Variants in REV1 observed in about 807,000 individuals in gnomAD.
The protein encoded by REV1 is REV1 DNA directed polymerase, also known as translesion synthesis protein REV1.
REV1 carries 42 observed loss-of-function variants against 137.4 expected under a neutral mutation model. That is an observed-to-expected ratio of 0.31 (90% confidence interval 0.24 to 0.40). The LOEUF (loss-of-function observed/expected upper bound fraction) is 0.40. REV1 is among the 10% of genes least tolerant of loss of function. REV1 has a pLI of 1.00. For synonymous variants in REV1, 524 were observed against 519.2 expected (o/e 1.01, Z -0.12); for missense variants, 1,282 against 1,490.1 (o/e 0.86, Z 2.30).
At chr2:99,466,070 TA>T (rs1684767138) in intron 1 of REV1, among the ~76,000 whole-genome samples, 1 of 151,392 alleles carries the variant, frequency 6.6e-6, no homozygotes, top group African/African-American at 2.4e-5. Flanking sequence ...GACTCCCGAG[TA>T]GCTGGGACTA....
At chr2:99,489,354 G>A (rs1687436700) in intron 1 of REV1, among the ~76,000 whole-genome samples, 1 of 152,142 alleles carries the variant, frequency 6.6e-6, no homozygotes, top group Admixed American at 6.5e-5. Context: ...TTCTACAAAC[G>A]CTTGTGGAAC....
intron 1 of REV1, among the ~76,000 whole-genome samples, chr2:99,482,149 T>G (rs142027235): frequency 1.4e-4 from 22 of 152,278 alleles, no homozygotes; most frequent in African/African-American, 5.3e-4. Context: ...GGGGACTGAG[T>G]TCAATCATAC....
intron 12 of REV1, among the ~76,000 whole-genome samples, chr2:99,416,261 C>A (rs756885121): frequency 3.3e-5 from 5 of 152,330 alleles, no homozygotes; most frequent in Middle Eastern, 3.4e-3. Context: ...TAGTCTTTAA[C>A]AAAGATAAAT....
intron 3 of REV1, among the ~76,000 whole-genome samples, chr2:99,450,443 T>C (rs1354216244): frequency 2.0e-5 from 3 of 152,192 alleles, no homozygotes; most frequent in African/African-American, 7.2e-5. Context: ...TTTCCACATG[T>C]GGCTTATCGC....
At chr2:99,437,657 A>G (rs1245523985) in intron 6 of REV1, among the ~76,000 whole-genome samples, 1 of 152,196 alleles carries the variant, frequency 6.6e-6, no homozygotes, top group Non-Finnish European at 1.5e-5. Flanking sequence ...TACAATAACA[A>G]AATTTCTCAT....
At chr2:99,454,245 CAAAA>C (rs1683262404) in intron 3 of REV1, among the ~76,000 whole-genome samples, 1 of 151,386 alleles carries the variant, frequency 6.6e-6, no homozygotes, top group Non-Finnish European at 1.5e-5. Context: ...CACAAAAAAA[CAAAA>C]ACAAAAACAA....
At chr2:99,454,550 C>CAAAAAAAAAAAAAAAAAAAAAAA (rs373850478) in intron 3 of REV1, among the ~76,000 whole-genome samples, 6 of 82,368 alleles carry the variant, frequency 7.3e-5, no homozygotes, top group Admixed American at 1.4e-4. Flanking sequence ...AACTCCAGCT[C>CAAAAAAAAAAAAAAAAAAAAAAA]AAAAAAAAAA....
At chr2:99,458,686 G>A (rs1309340880) in intron 3 of REV1, among the ~76,000 whole-genome samples, 1 of 152,182 alleles carries the variant, frequency 6.6e-6, no homozygotes, top group Non-Finnish European at 1.5e-5. Context: ...TCCACACTAT[G>A]AAATATAACT....
At chr2:99,411,002 C>A in intron 13 of REV1, 135 bp from the exon 14 acceptor site, 2 of 760,730 alleles carry the variant, frequency 2.6e-6, no homozygotes, top group Admixed American at 3.5e-5. Flanking sequence ...TAAAAAGAAA[C>A]GTGGCCAGGC....
chr2:99,401,406 CTAAT>C, intron 22 of REV1, 54 bp from the exon 23 acceptor site: 1 of 1,072,882 alleles, frequency 9.3e-7, no homozygotes, highest in Admixed American at 2.2e-5. Context: ...GTCCTTAAGA[CTAAT>C]TATTCCTTTT....
intron 1 of REV1, among the ~76,000 whole-genome samples, chr2:99,481,760 T>C (rs1575255860): frequency 6.6e-6 from 1 of 151,974 alleles, no homozygotes. Context: ...TCCTAGCTAC[T>C]GGGGAGGCTG....
intron 10 of REV1, among the ~76,000 whole-genome samples, chr2:99,423,408 A>G (rs985598301): frequency 1.3e-5 from 2 of 152,128 alleles, no homozygotes; most frequent in African/African-American, 4.8e-5. Flanking sequence ...ATTCATATAC[A>G]TTCCCCGTGG....
intron 1 of REV1, among the ~76,000 whole-genome samples, chr2:99,482,431 A>G (rs935421601): frequency 2.6e-5 from 4 of 152,146 alleles, no homozygotes; most frequent in Non-Finnish European, 5.9e-5. Flanking sequence ...GGAACTCCGA[A>G]AGTTGTAGCC....
At position 99,415,350 on chromosome 2, in the gene REV1, G is replaced by A. The variant is rs182317664; in HGVS notation, c.1952-2399C>T. Among the ~76,000 whole-genome samples the A allele has an allele frequency of 2.3e-3, 349 of 152,304 alleles. 4 individuals carry two copies. The highest frequency in any genetic ancestry group is 8.2e-3 in the African/African-American group (340 of 41,564). Reference sequence around the variant, plus strand: ...GAAGAGAGAGTCAAGGAGGCTCCTGGTCAAGCAACTGGGACAAAGACTTGG... The same window carrying A: ...GAAGAGAGAGTCAAGGAGGCTCCTGATCAAGCAACTGGGACAAAGACTTGG... On this transcript the variant is annotated intron_variant, in intron 12 of 22. Coordinates refer to ENST00000258428, the MANE Select transcript of REV1 (RefSeq NM_016316.4).
At chr2:99,432,130 G>A (rs1174821696) in intron 8 of REV1, among the ~76,000 whole-genome samples, 2 of 152,176 alleles carry the variant, frequency 1.3e-5, no homozygotes, top group East Asian at 3.8e-4. Context: ...GATCATCAAT[G>A]AGAAGTGTGA....
At chr2:99,468,951 A>G (rs1685109339) in intron 1 of REV1, among the ~76,000 whole-genome samples, 1 of 152,218 alleles carries the variant, frequency 6.6e-6, no homozygotes. Context: ...CATGGTCTAC[A>G]ACATAATGAT....
chr2:99,462,860 G>A (rs965710775), intron 2 of REV1: 2 of 347,828 alleles, frequency 5.7e-6, no homozygotes, highest in African/African-American at 4.3e-5. Flanking sequence ...AGCTGAGGCA[G>A]GCGGATCACC....
chr2:99,442,262 A>AAAAC, intron 5 of REV1, 55 bp downstream of exon 5: 1 of 1,332,268 alleles, frequency 7.5e-7, no homozygotes. Flanking sequence ...CAAAAAAAAA[A>AAAAC]AAAAAAAAAA....
At chr2:99,412,674 G>A (rs1677342811) in intron 13 of REV1, 57 bp downstream of exon 13, 2 of 1,235,438 alleles carry the variant, frequency 1.6e-6, no homozygotes, top group Admixed American at 3.4e-5. Flanking sequence ...TGTAGAGGTA[G>A]GACTATGTAA....
Sources: allele counts gnomAD v4.1 joint callset (sites outside exome capture counted in the v4.1 genomes callset), GRCh38; gene constraint gnomAD v4.1.1; transcripts MANE v1.5; gene names NCBI Gene and HGNC (gene_info 2026-07-23, HGNC 2026-07-21).